The following KIAA1755 variants were observed in gnomAD, a reference collection of about 807,000 sequenced individuals.
KIAA1755 encodes uncharacterized protein KIAA1755.
In KIAA1755, 68 loss-of-function variants were observed where a neutral mutation model predicts 91.7. That is an observed-to-expected ratio of 0.74 (90% CI 0.61 to 0.91). The LOEUF (loss-of-function observed/expected upper bound fraction) is 0.91, where lower values mean the gene tolerates loss of function less well. Among genes scored for constraint, KIAA1755 ranks in the 40% least tolerant of loss-of-function variants. The pLI, the probability that KIAA1755 is intolerant of heterozygous loss-of-function variation, is 0.00. For synonymous variants in KIAA1755, 610 were observed against 604.6 expected, an observed-to-expected ratio of 1.01 and a Z score of -0.13; for missense variants, 1,535 against 1,494.4, an observed-to-expected ratio of 1.03 and a Z score of -0.45.
chr20:38,258,240 C>A (rs2076374082), intron 1 of KIAA1755, among the ~76,000 whole-genome samples: 1 of 152,090 alleles, frequency 6.6e-6, no homozygotes, highest in African/African-American at 2.4e-5. Flanking sequence ...CTGATTTTTT[C>A]ATGGTTGTGA....
At chr20:38,257,215 G>A (rs2076353713) in intron 1 of KIAA1755, among the ~76,000 whole-genome samples, 1 of 152,148 alleles carries the variant, frequency 6.6e-6, no homozygotes. Flanking sequence ...TCCTTATAGA[G>A]GGCCTGGCAC....
intron 1 of KIAA1755, among the ~76,000 whole-genome samples, chr20:38,258,953 G>C (rs1161450037): frequency 6.6e-6 from 1 of 152,180 alleles, no homozygotes; most frequent in African/African-American, 2.4e-5. Context: ...GAAAGCAGGA[G>C]AGGCTTGGCA....
At chr20:38,234,049 G>A (rs1263854831) in intron 4 of KIAA1755, among the ~76,000 whole-genome samples, 2 of 152,122 alleles carry the variant, frequency 1.3e-5, no homozygotes, top group East Asian at 3.8e-4. Context: ...AAGCCAAGGA[G>A]AGAGGCCACA....
At chr20:38,238,047 C>T (rs1342482801) in intron 4 of KIAA1755, among the ~76,000 whole-genome samples, 1 of 152,066 alleles carries the variant, frequency 6.6e-6, no homozygotes, top group Non-Finnish European at 1.5e-5. Flanking sequence ...GAGCCAGGTC[C>T]TATCTGTCTA....
chr20:38,217,946 T>C, intron 12 of KIAA1755: 1 of 437,838 alleles, frequency 2.3e-6, no homozygotes, highest in South Asian at 2.9e-5. Context: ...GCAGCTTCCC[T>C]GCCCTCCAAC....
chr20:38,239,449 C>T, intron 4 of KIAA1755, 79 bp downstream of exon 4: 2 of 1,323,938 alleles, frequency 1.5e-6, no homozygotes, highest in Non-Finnish European at 2.2e-6. Context: ...CCCTGCCTCC[C>T]CTCCACCCAA....
intron 11 of KIAA1755, 118 bp downstream of exon 11, chr20:38,219,512 G>T: frequency 7.2e-7 from 1 of 1,388,838 alleles, no homozygotes; most frequent in Non-Finnish European, 9.8e-7. Context: ...AGGATCGCCA[G>T]CTTGGTGTCC....
chr20:38,241,094 C>G lies in KIAA1755; in HGVS notation c.1037G>C (p.Arg346Thr), dbSNP rs1286016869. ...ACTKPESSEE[R>T]PYNLGFRRKV... ...TCTCCTGAAGCCCAAATTATAGGGCCTCTCCTCAGAGCTTTCTGGCTTTGT... is the reference window on the plus strand; with the variant it reads ...TCTCCTGAAGCCCAAATTATAGGGCGTCTCCTCAGAGCTTTCTGGCTTTGT... The change falls in exon 3 of 14, where the codon AGG becomes ACG. Residue 346 changes from arginine to threonine, a missense_variant. Coordinates refer to ENST00000279024, the MANE Select transcript of KIAA1755 (RefSeq NM_001029864.2). The G allele has an allele frequency of 1.2e-6, 2 of 1,614,144 alleles. No homozygotes were observed. The highest frequency in any genetic ancestry group is 1.7e-6 in the Non-Finnish European group (2 of 1,180,012).
chr20:38,258,564 T>G (rs549479913), intron 1 of KIAA1755, among the ~76,000 whole-genome samples: 1 of 152,150 alleles, frequency 6.6e-6, no homozygotes, highest in East Asian at 1.9e-4. Context: ...CATGCTAGAG[T>G]AAGAGTCAGG....
intron 10 of KIAA1755, 124 bp downstream of exon 10, chr20:38,222,325 A>G: frequency 2.0e-6 from 2 of 989,380 alleles, no homozygotes; most frequent in Admixed American, 2.3e-5. Flanking sequence ...AGGCCCTGCA[A>G]CTACTGCAAA....
Position 38,246,078 on chromosome 20 carries a change from A to G in KIAA1755, c.52T>C (p.Tyr18His), listed in dbSNP as rs2076154756. The G allele has an allele frequency of 6.2e-7, 1 of 1,613,942 alleles. No individual in the cohort carries two copies. Among genetic ancestry groups the G allele is most frequent in the African/African-American group, 1.3e-5 (1 of 74,912 alleles). ...GGTGCTGTGGCCTCGAAAGGAGGAT[A>G]GAGGCCCGCCAGGGCATGCTGGATG... ...TAIQHALAGL[Y>H]PPFEATAPTV... Residue 18 changes from tyrosine (Y) to histidine (H), a missense_variant, in exon 2 of 14, where the codon TAT becomes CAT. Tyr to His is a moderately conservative substitution (Grantham distance 83, BLOSUM62 2). Transcript: ENST00000279024.
Position 38,213,415 on chromosome 20 carries a change from C to G in KIAA1755, c.3230G>C (p.Gly1077Ala). 6.3e-7 allele frequency: 1 copy of G among 1,599,720 alleles called. No homozygotes were observed. Among genetic ancestry groups the G allele is most frequent in the Non-Finnish European group, 8.5e-7 (1 of 1,172,722 alleles). ...AGTGACCTCTACACTCACACCCTGG[C>G]CCTTGGCTGCCACCCCTCTTCGTTC... Reference protein sequence around the residue: ...RPERRGVAAKGQGVSVEVTSK... With the variant: ...RPERRGVAAKAQGVSVEVTSK... The change falls in exon 14 of 14, where the codon GGC (glycine) becomes GCC (alanine). Residue 1077 changes from glycine (G) to alanine (A), a missense_variant. By Grantham distance (60) the Gly-to-Ala change is moderately conservative. Coordinates refer to ENST00000279024, the MANE Select transcript of KIAA1755 (RefSeq NM_001029864.2).
chr20:38,211,886 T>A lies in KIAA1755; in HGVS notation c.*1156A>T, dbSNP rs574697763. 3.3e-4 allele frequency: 50 copies of A among 152,348 alleles called. No homozygotes were observed. The highest frequency in any genetic ancestry group is 1.1e-3 in the African/African-American group (47 of 41,574). The allele number at this position is 152,348 out of a possible 1,614,324, so 9.4% of individuals were successfully genotyped here. ...CAAGACCAATGGAGCTGGCTGTGCG[T>A]GCTGTCTACGAGTGCCAGCTCCTGA... On this transcript the variant is annotated 3_prime_UTR_variant, in exon 14 of 14. Coordinates refer to ENST00000279024, the MANE Select transcript of KIAA1755 (RefSeq NM_001029864.2).
At chr20:38,252,325 C>T (rs1600658555) in intron 1 of KIAA1755, among the ~76,000 whole-genome samples, 3 of 152,294 alleles carry the variant, frequency 2.0e-5, no homozygotes, top group African/African-American at 7.2e-5. Flanking sequence ...TCTCCTGGTC[C>T]CTCCCTGTGT....
intron 5 of KIAA1755, 134 bp downstream of exon 5, chr20:38,231,068 G>T: frequency 1.0e-6 from 1 of 987,382 alleles, no homozygotes; most frequent in South Asian, 1.9e-5. Flanking sequence ...CCCGGCATCT[G>T]TCTGGGGACT....
intron 11 of KIAA1755, 41 bp downstream of exon 11, chr20:38,219,589 C>T (rs1568734227): frequency 1.2e-6 from 2 of 1,610,254 alleles, no homozygotes; most frequent in Non-Finnish European, 8.5e-7. Context: ...GGAATGTGGC[C>T]AGGCAGAACC....
intron 2 of KIAA1755, among the ~76,000 whole-genome samples, chr20:38,244,799 C>G (rs1487012655): frequency 6.6e-6 from 1 of 152,172 alleles, no homozygotes; most frequent in Non-Finnish European, 1.5e-5. Flanking sequence ...ACCTCTGCCT[C>G]CTGGGTTCAA....
intron 5 of KIAA1755, among the ~76,000 whole-genome samples, chr20:38,229,004 C>G (rs888216499): frequency 6.6e-6 from 1 of 152,206 alleles, no homozygotes; most frequent in Non-Finnish European, 1.5e-5. Context: ...CCCTACTCCT[C>G]TCCCATCCCC....
chr20:38,219,854 T>C (rs2075626643), intron 10 of KIAA1755, 86 bp from the exon 11 acceptor site: 12 of 1,524,660 alleles, frequency 7.9e-6, no homozygotes, highest in Non-Finnish European at 9.8e-6. Flanking sequence ...TGCCCCTCCA[T>C]CTCTGTGGCC....
Sources: allele counts gnomAD v4.1 joint callset (sites outside exome capture counted in the v4.1 genomes callset), GRCh38; gene constraint gnomAD v4.1.1; transcripts MANE v1.5; gene names NCBI Gene and HGNC (gene_info 2026-07-23, HGNC 2026-07-21).